Variants in ZNF577 observed in about 807,000 individuals in gnomAD.
The protein encoded by ZNF577 is zinc finger protein 577.
A neutral mutation model predicts 13.9 loss-of-function variants in ZNF577; 14 were observed. The observed-to-expected ratio is 1.00, with a 90% CI of 0.66 to 1.57. The LOEUF (loss-of-function observed/expected upper bound fraction) is 1.57. Among genes scored for constraint, ZNF577 ranks in the 40% most tolerant of loss-of-function variants. ZNF577 has a pLI of 0.00. For synonymous variants in ZNF577, 203 were observed against 202.9 expected, an observed-to-expected ratio of 1.00 and a Z score of 0.00; for missense variants, 555 against 579.2, an observed-to-expected ratio of 0.96 and a Z score of 0.43.
At chr19:51,855,467 A>G (rs1351993010) in intron 5 of ZNF577, among the ~76,000 whole-genome samples, 1 of 150,696 alleles carries the variant, frequency 6.6e-6, no homozygotes, top group Non-Finnish European at 1.5e-5. Flanking sequence ...CTTCTTCTCA[A>G]GGGCTTCAAG....
At chr19:51,865,222 A>G (rs1243997067), downstream of ZNF577, among the ~76,000 whole-genome samples, 1 of 152,116 alleles carries the variant, frequency 6.6e-6, no homozygotes, top group African/African-American at 2.4e-5. Flanking sequence ...GCACCTCTGG[A>G]GTAGCTGGGA....
rs200812738 is a variant in ZNF577 at position 51,869,655 on chromosome 19, CCT to C, written c.*2875_*2876del. On this transcript the variant is annotated 3_prime_UTR_variant, in exon 6 of 6. Transcript: ENST00000638348. Reference sequence around the variant, plus strand: ...TTTCTTTTCTCAGTCTCTCGTCCCCCCTGACGAGAAACACCCACAGGTGTGGA... The same window carrying C: ...TTTCTTTTCTCAGTCTCTCGTCCCCCGACGAGAAACACCCACAGGTGTGGA... Among the ~76,000 whole-genome samples, 5 of 152,006 alleles carry C rather than the reference CCT, an allele frequency of 3.3e-5. No individual in the cohort carries two copies. The highest frequency in any genetic ancestry group is 3.9e-4 in the East Asian group (2 of 5,182).
intron 8 of ZNF577, among the ~76,000 whole-genome samples, chr19:51,841,307 C>A (rs1039846925): frequency 6.6e-6 from 1 of 152,166 alleles, no homozygotes; most frequent in Non-Finnish European, 1.5e-5. Context: ...TTATGCTGGA[C>A]ATAAAGCCTG....
Position 51,867,837 on chromosome 19 carries a change from T to C in ZNF577, c.*4695A>G, listed in dbSNP as rs1278711174. 1.3e-5 allele frequency among the ~76,000 whole-genome samples: 2 copies of C among 151,578 alleles called. No individual in the cohort carries two copies. The highest frequency in any genetic ancestry group is 1.3e-4 in the Admixed American group (2 of 15,220). On this transcript the variant is annotated 3_prime_UTR_variant, in exon 6 of 6. Coordinates refer to ENST00000638348, the MANE Select transcript of ZNF577 (RefSeq NM_001370449.1). ...ACAAACAAAAAGAACAAAGCTAGGG[T>C]TGGAAAAAGCCCTCAGAGGTCAGAC...
chr19:51,883,406 T>C (rs190314429), intron 1 of ZNF577, among the ~76,000 whole-genome samples: 1 of 152,252 alleles, frequency 6.6e-6, no homozygotes, highest in Admixed American at 6.5e-5. Flanking sequence ...ATTACAGGCA[T>C]GAGCGACTGC....
chr19:51,882,741 C>G (rs1282038828), intron 1 of ZNF577, among the ~76,000 whole-genome samples: 1 of 151,952 alleles, frequency 6.6e-6, no homozygotes, highest in Non-Finnish European at 1.5e-5. Context: ...TTTATGACCG[C>G]ATCACTGCAC....
At position 51,873,520 on chromosome 19, in the gene ZNF577, G is replaced by T. The variant is rs2084701772; in HGVS notation, c.470C>A (p.Pro157Gln). Reference sequence around the variant, plus strand: ...TCTCCCGCACACACTGCATTCATGTGGTTTCCCTCCTGCACAAATTTTTTG... The same window carrying T: ...TCTCCCGCACACACTGCATTCATGTTGTTTCCCTCCTGCACAAATTTTTTG... ...DLQKICAGGK[P>Q]HECSVCGRAF... Residue 157 changes from proline (P) to glutamine (Q), a missense_variant, in exon 6 of 6, where the codon CCA becomes CAA. Coordinates refer to ENST00000638348, the MANE Select transcript of ZNF577 (RefSeq NM_001370449.1). 9 of 1,614,036 alleles carry T rather than the reference G, an allele frequency of 5.6e-6. No homozygotes were observed. Among genetic ancestry groups the T allele is most frequent in the African/African-American group, 1.3e-5 (1 of 74,894 alleles).
Position 51,824,565 on chromosome 19 carries a change from T to C in ZNF577, c.*600-12891A>G. ...GGCAGTCTGGCTCAAAGAGATGTTG[T>C]TAAATGGCAAATACAAAATCATTCT... On this transcript the variant is annotated intron_variant and NMD_transcript_variant, in intron 9 of 10. Coordinates refer to the ZNF577 transcript ENST00000638827. The surrounding 1 kb of genome is among the most constrained non-coding windows in gnomAD (Gnocchi z 4.7). The C allele has an allele frequency of 2.5e-6, 4 of 1,614,176 alleles. No individual in the cohort carries two copies. The highest frequency in any genetic ancestry group is 1.1e-5 in the South Asian group (1 of 91,084).
At chr19:51,885,783 C>T (rs1483628929) in intron 1 of ZNF577, among the ~76,000 whole-genome samples, 1 of 152,198 alleles carries the variant, frequency 6.6e-6, no homozygotes, top group Non-Finnish European at 1.5e-5. Flanking sequence ...GCTGGGATTA[C>T]AGGCGTGAGC....
At chr19:51,842,375 G>A (rs1300919433) in intron 8 of ZNF577, among the ~76,000 whole-genome samples, 1 of 152,162 alleles carries the variant, frequency 6.6e-6, no homozygotes, top group Non-Finnish European at 1.5e-5. Context: ...CACCTCATGA[G>A]CAAGTTAATG....
intron 9 of ZNF577, among the ~76,000 whole-genome samples, chr19:51,815,091 C>T (rs375971280): frequency 3.5e-4 from 53 of 152,062 alleles, no homozygotes; most frequent in Admixed American, 5.9e-4. Context: ...ATTGCAGGCG[C>T]GAGCCACCTT....
Position 51,867,772 on chromosome 19 carries a change from G to A in ZNF577, c.*4760C>T, listed in dbSNP as rs539940440. ...TGCACTCCAGCCTGGGCAAAAGAGC[G>A]AAACTCCATCTCAAATAAACAAAAA... On this transcript the variant is annotated 3_prime_UTR_variant, in exon 6 of 6. Transcript: ENST00000638348. Among the ~76,000 whole-genome samples the A allele has an allele frequency of 4.6e-4, 70 of 152,120 alleles. 2 individuals are homozygous for A. The highest frequency in any genetic ancestry group is 6.8e-3 in the Middle Eastern group (2 of 294).
At chr19:51,873,761 T>TG in intron 5 of ZNF577, 55 bp from the exon 6 acceptor site, 5 of 1,306,036 alleles carry the variant, frequency 3.8e-6, no homozygotes, top group African/African-American at 1.5e-5. Flanking sequence ...TGTCTTTACA[T>TG]TAAAGGAACA....
intron 5 of ZNF577, among the ~76,000 whole-genome samples, chr19:51,874,249 C>T (rs2084719047): frequency 6.6e-6 from 1 of 152,130 alleles, no homozygotes; most frequent in African/African-American, 2.4e-5. Context: ...ATTTGGGATA[C>T]TACAGTGACT....
At chr19:51,879,277 A>G (rs1337241704) in intron 3 of ZNF577, among the ~76,000 whole-genome samples, 1 of 139,496 alleles carries the variant, frequency 7.2e-6, no homozygotes, top group African/African-American at 2.7e-5. Flanking sequence ...AAAAAAAAAA[A>G]GTAATAATAT....
At chr19:51,856,421 T>G (rs1199308395) in intron 5 of ZNF577, among the ~76,000 whole-genome samples, 3 of 152,228 alleles carry the variant, frequency 2.0e-5, no homozygotes, top group Non-Finnish European at 2.9e-5. Context: ...ACCTCCATGC[T>G]TCCATCAAGT....
chr19:51,807,161 G>A (rs2084064994), intron 10 of ZNF577, among the ~76,000 whole-genome samples: 1 of 152,136 alleles, frequency 6.6e-6, no homozygotes, highest in Non-Finnish European at 1.5e-5. Context: ...GTGGACAATG[G>A]CCCTGAGCTT....
Position 51,872,895 on chromosome 19 carries a change from GT to G in ZNF577, c.1094del (p.His365ProfsTer13). 1 of 1,614,188 alleles carries G rather than the reference GT, an allele frequency of 6.2e-7. No individual in the cohort carries two copies. Among genetic ancestry groups the G allele is most frequent in the Non-Finnish European group, 8.5e-7 (1 of 1,180,030 alleles). On this transcript the variant is annotated frameshift_variant, in exon 6 of 6. Transcript: ENST00000638348. LOFTEE classifies it low-confidence loss of function (END_TRUNC). Reference protein sequence around the residue: ...SCRECGKAFAHMSVLIKHEKT... With the variant: ...SCRECGKAFAXMSVLIKHEKT... ...TCTCATGTTTAATGAGGACTGACATGTGGGCAAAGGCTTTGCCACATTCTCT... is the reference window on the plus strand; with the variant it reads ...TCTCATGTTTAATGAGGACTGACATGGGGCAAAGGCTTTGCCACATTCTCT...
intron 9 of ZNF577, among the ~76,000 whole-genome samples, chr19:51,823,509 C>G (rs187850033): frequency 8.0e-4 from 122 of 152,244 alleles, no homozygotes; most frequent in African/African-American, 2.8e-3. Flanking sequence ...CTTTAATCCT[C>G]TTGGTAATCA....
Sources: allele counts gnomAD v4.1 joint callset (sites outside exome capture counted in the v4.1 genomes callset), GRCh38; gene constraint gnomAD v4.1.1; non-coding constraint Gnocchi (gnomAD v3.1); transcripts MANE v1.5; gene names NCBI Gene and HGNC (gene_info 2026-07-23, HGNC 2026-07-21).